RFX3: variants seen among roughly 807,000 people sequenced by gnomAD.
The protein encoded by RFX3 is transcription factor RFX3.
RFX3 carries 14 observed loss-of-function variants against 98.6 expected under a neutral mutation model. That is an observed-to-expected ratio of 0.14 (90% confidence interval 0.09 to 0.22). The LOEUF (loss-of-function observed/expected upper bound fraction) is 0.22. RFX3 is among the 10% of genes least tolerant of loss of function. The pLI is 1.00. For synonymous variants in RFX3, 383 were observed against 328.4 expected (o/e 1.17, Z -1.80); for missense variants, 639 against 926.9 (o/e 0.69, Z 4.03).
intron 16 of RFX3, among the ~76,000 whole-genome samples, chr9:3,225,892 T>C (rs1403010078): frequency 3.3e-5 from 5 of 152,186 alleles, no homozygotes; most frequent in African/African-American, 1.2e-4. Context: ...AGATTAAAAA[T>C]GTGCAATGGA....
intron 3 of RFX3, among the ~76,000 whole-genome samples, chr9:3,337,015 A>T (rs1167711191): frequency 6.6e-6 from 1 of 152,228 alleles, no homozygotes; most frequent in Non-Finnish European, 1.5e-5. Flanking sequence ...CTTAAAAGCC[A>T]CTGTTACAGA....
intron 1 of RFX3, among the ~76,000 whole-genome samples, chr9:3,407,642 T>C (rs1011290809): frequency 1.8e-4 from 28 of 152,170 alleles, no homozygotes; most frequent in African/African-American, 6.8e-4. Context: ...CCAACTATTA[T>C]GTAGTCCTGT....
chr9:3,321,076 T>C (rs538992019), intron 4 of RFX3, among the ~76,000 whole-genome samples: 2 of 152,048 alleles, frequency 1.3e-5, no homozygotes, highest in Admixed American at 1.3e-4. Context: ...CTAATTTTTC[T>C]ATTTTTAGTG....
chr9:3,277,956 G>A (rs1055332210), intron 7 of RFX3, among the ~76,000 whole-genome samples: 3 of 151,832 alleles, frequency 2.0e-5, no homozygotes, highest in Non-Finnish European at 2.9e-5. Flanking sequence ...AACCTTTCGT[G>A]CATCTCAACA....
chr9:3,247,906 C>G (rs1563796817), intron 15 of RFX3, 126 bp downstream of exon 15: 1 of 1,611,220 alleles, frequency 6.2e-7, no homozygotes, highest in Admixed American at 1.7e-5. Flanking sequence ...CTCCACAGTC[C>G]CTCCTGGCTC....
chr9:3,277,276 T>G (rs1586847115), intron 8 of RFX3, 64 bp downstream of exon 8: 11 of 1,554,912 alleles, frequency 7.1e-6, no homozygotes, highest in Non-Finnish European at 9.7e-6. Flanking sequence ...GACATTGCAC[T>G]TGGAGAAAAG....
At chr9:3,287,434 A>C (rs1382555628) in intron 7 of RFX3, among the ~76,000 whole-genome samples, 1 of 151,964 alleles carries the variant, frequency 6.6e-6, no homozygotes, top group East Asian at 1.9e-4. Flanking sequence ...ATGGGACTAG[A>C]AGGCCCTTAG....
chr9:3,504,167 ATAT>A (rs1816385003), intron 1 of RFX3, among the ~76,000 whole-genome samples: 2 of 97,428 alleles, frequency 2.1e-5, no homozygotes, highest in South Asian at 5.8e-4. Flanking sequence ...TATATTATAT[ATAT>A]TATATATTAT....
rs564746179 is a variant in RFX3 at position 3,281,759 on chromosome 9, T to A, written c.852-4298A>T. 6.6e-5 allele frequency among the ~76,000 whole-genome samples: 10 copies of A among 151,962 alleles called. No homozygotes were observed. In the East Asian group the frequency reaches 1.9e-3, roughly 29 times the overall value. ...AATTAGGAATCTTCCTCCATGGGGT[T>A]AGTCACAGCTGCTATTTAGGACTTG... On this transcript the variant is annotated intron_variant, in intron 7 of 16. Coordinates refer to ENST00000617270, the MANE Select transcript of RFX3 (RefSeq NM_001282116.2).
intron 8 of RFX3, among the ~76,000 whole-genome samples, chr9:3,276,804 G>A (rs748347097): frequency 6.6e-6 from 1 of 151,766 alleles, no homozygotes; most frequent in South Asian, 2.1e-4. Flanking sequence ...TGCCCCTTTG[G>A]CTATGGCAAA....
chr9:3,398,787 A>C (rs1030324913), intron 1 of RFX3, among the ~76,000 whole-genome samples: 1 of 152,056 alleles, frequency 6.6e-6, no homozygotes. Context: ...TTTGACATCA[A>C]CTGTTTTAGA....
intron 4 of RFX3, among the ~76,000 whole-genome samples, chr9:3,316,838 A>T (rs1402400558): frequency 2.0e-5 from 3 of 152,234 alleles, no homozygotes; most frequent in African/African-American, 7.2e-5. Context: ...TTCAAGGAGA[A>T]CTACAAACTA....
At chr9:3,427,540 A>G (rs1484622774) in intron 1 of RFX3, among the ~76,000 whole-genome samples, 1 of 149,818 alleles carries the variant, frequency 6.7e-6, no homozygotes, top group African/African-American at 2.4e-5. Flanking sequence ...TGCAGAGAAC[A>G]TGGATTCTGC....
intron 1 of RFX3, among the ~76,000 whole-genome samples, chr9:3,516,250 G>C (rs1318623845): frequency 6.6e-6 from 1 of 151,826 alleles, no homozygotes; most frequent in African/African-American, 2.4e-5. Context: ...GGGTTTCATC[G>C]TGTTAGCCAG....
At chr9:3,257,650 A>C (rs1822308525) in intron 13 of RFX3, among the ~76,000 whole-genome samples, 1 of 152,226 alleles carries the variant, frequency 6.6e-6, no homozygotes, top group African/African-American at 2.4e-5. Context: ...AGACAGATAA[A>C]TAGATAAAAT....
intron 1 of RFX3, among the ~76,000 whole-genome samples, chr9:3,434,146 G>A (rs1046584036): frequency 1.4e-4 from 21 of 152,048 alleles, no homozygotes; most frequent in African/African-American, 4.3e-4. Flanking sequence ...TCGTATTTTT[G>A]AGTAACAAGG....
chr9:3,234,785 C>T (rs1160259268), intron 15 of RFX3, among the ~76,000 whole-genome samples: 1 of 152,136 alleles, frequency 6.6e-6, no homozygotes, highest in African/African-American at 2.4e-5. Context: ...CTTGTAAGAC[C>T]CTGGAAGACC....
intron 1 of RFX3, among the ~76,000 whole-genome samples, chr9:3,487,430 G>A (rs1270869031): frequency 6.6e-6 from 1 of 152,084 alleles, no homozygotes; most frequent in Non-Finnish European, 1.5e-5. Context: ...CTGGTAAAAG[G>A]TTAGTAACTT....
intron 14 of RFX3, among the ~76,000 whole-genome samples, chr9:3,252,799 T>TA (rs964190415): frequency 2.0e-5 from 3 of 151,834 alleles, no homozygotes; most frequent in African/African-American, 7.3e-5. Context: ...GTTGGAAGTT[T>TA]AAAAAAAAAT....
Sources: gnomAD v4.1 joint callset for allele counts (sites outside exome capture counted in the v4.1 genomes callset) on GRCh38, gnomAD v4.1.1 for gene constraint, MANE v1.5 for transcripts, NCBI Gene and HGNC (gene_info 2026-07-23, HGNC 2026-07-21) for gene names.